PAWR: variants seen among roughly 807,000 people sequenced by gnomAD.
PAWR encodes PRKC apoptosis WT1 regulator protein.
A neutral mutation model predicts 32.0 loss-of-function variants in PAWR; 23 were observed. That is an observed-to-expected ratio of 0.72 (90% CI 0.52 to 1.02). The LOEUF is 1.02. Ranked by LOEUF, PAWR falls within the 50% of genes least tolerant of loss-of-function variation. The pLI is 0.00. For synonymous variants in PAWR, 226 were observed against 187.1 expected (o/e 1.21, Z -1.70); for missense variants, 457 against 437.7 (o/e 1.04, Z -0.39).
intron 2 of PAWR, among the ~76,000 whole-genome samples, chr12:79,622,298 GTTT>G (rs1012715960): frequency 1.3e-5 from 2 of 152,008 alleles, no homozygotes; most frequent in African/African-American, 4.8e-5. Flanking sequence ...GAGATGGAGT[GTTT>G]TTTATTATTT....
At chr12:79,629,051 G>T (rs1281557266) in intron 2 of PAWR, among the ~76,000 whole-genome samples, 2 of 151,794 alleles carry the variant, frequency 1.3e-5, no homozygotes, top group African/African-American at 4.8e-5. Flanking sequence ...AGATAAAATT[G>T]AATGATTAAA....
chr12:79,670,020 T>C lies in PAWR; in HGVS notation c.516+19709A>G, dbSNP rs544320526. ...TTGGCCTTTTTTGTTCTTAAACAGG[T>C]TACTTTTCTAAGAAAAATGTAAATA... On this transcript the variant is annotated intron_variant, in intron 2 of 6. Coordinates refer to ENST00000328827, the MANE Select transcript of PAWR (RefSeq NM_002583.4). Among the ~76,000 whole-genome samples the C allele has an allele frequency of 2.0e-5, 3 of 152,266 alleles. No homozygotes were observed. The South Asian group carries it at 6.2e-4, about 32-fold the overall frequency.
intron 2 of PAWR, among the ~76,000 whole-genome samples, chr12:79,672,375 A>G (rs534265990): frequency 1.3e-5 from 2 of 152,166 alleles, no homozygotes; most frequent in Admixed American, 1.3e-4. Context: ...TCCTGCCTCA[A>G]AACCTCTGTA....
chr12:79,675,997 C>T (rs1324544300), intron 2 of PAWR, among the ~76,000 whole-genome samples: 1 of 151,806 alleles, frequency 6.6e-6, no homozygotes, highest in East Asian at 1.9e-4. Flanking sequence ...AAAGAAGTGA[C>T]CCTGATCGCA....
Position 79,649,556 on chromosome 12 carries a change from G to A in PAWR, c.517-28349C>T, listed in dbSNP as rs180882763. Among the ~76,000 whole-genome samples, 349 of 152,220 alleles carry A rather than the reference G, an allele frequency of 2.3e-3. 1 individual carries two copies. The highest frequency in any genetic ancestry group is 1.8e-3 in the Non-Finnish European group (125 of 68,008). On this transcript the variant is annotated intron_variant, in intron 2 of 6. Transcript: ENST00000328827. Reference sequence around the variant, plus strand: ...AATCCCAGCACCTTGAGAGGCCCACGCAGAAGGATTGCTTGAAGCCAGGAG... The same window carrying A: ...AATCCCAGCACCTTGAGAGGCCCACACAGAAGGATTGCTTGAAGCCAGGAG...
At position 79,621,088 on chromosome 12, in the gene PAWR, G is replaced by A; in HGVS notation, c.636C>T (p.Ser212=). 2 of 1,597,686 alleles carry A rather than the reference G, an allele frequency of 1.3e-6. No individual in the cohort carries two copies. ...TTTAAATACTCACCTGTAGCAGATA[G>A]GAACTGCCTGGATCTAGTAAGTTTA... The part of the protein sequence containing the change: ...EAVNLLDPGS[S]YLLQEPPRTV... The change falls in exon 3 of 7, where the codon TCC becomes TCT. Residue 212 remains serine (S), a synonymous_variant. Transcript: ENST00000328827.
chr12:79,659,923 A>C (rs974378535), intron 2 of PAWR, among the ~76,000 whole-genome samples: 3 of 152,210 alleles, frequency 2.0e-5, no homozygotes, highest in African/African-American at 7.2e-5. Context: ...TGGGGAAAGA[A>C]GTAAAGACAT....
At chr12:79,669,407 C>A (rs1877773782) in intron 2 of PAWR, among the ~76,000 whole-genome samples, 1 of 152,126 alleles carries the variant, frequency 6.6e-6, no homozygotes, top group Admixed American at 6.6e-5. Context: ...ATCTTTTCAA[C>A]TTGCCATATT....
In PAWR at chr12:79,608,075, T is replaced by C. The variant is rs984736190; in HGVS notation, c.683+5500A>G. 3.3e-5 allele frequency among the ~76,000 whole-genome samples: 5 copies of C among 151,840 alleles called. No individual in the cohort carries two copies. In the East Asian group the frequency reaches 9.6e-4, roughly 29 times the overall value. ...AAAAAAAAAAAAAAAATCATAAAGT[T>C]CCATCTAGGAAAAAAAGTTAACATT... On this transcript the variant is annotated intron_variant, in intron 4 of 6. Coordinates refer to ENST00000328827, the MANE Select transcript of PAWR (RefSeq NM_002583.4).
At position 79,599,992 on chromosome 12, in the gene PAWR, T is replaced by A. The variant is rs149083980; in HGVS notation, c.684-3334A>T. Among the ~76,000 whole-genome samples the A allele has an allele frequency of 4.1e-3, 624 of 152,332 alleles. 12 individuals are homozygous for A. Among genetic ancestry groups the A allele is most frequent in the African/African-American group, 0.014 (592 of 41,578 alleles). Reference sequence around the variant, plus strand: ...GAACATATTTGATGAATTCATTTTGTACATGTCATGCCTGCAACTACCAAT... The same window carrying A: ...GAACATATTTGATGAATTCATTTTGAACATGTCATGCCTGCAACTACCAAT... On this transcript the variant is annotated intron_variant, in intron 4 of 6. Coordinates refer to ENST00000328827, the MANE Select transcript of PAWR (RefSeq NM_002583.4).
chr12:79,670,461 T>TG (rs1220022349), intron 2 of PAWR, among the ~76,000 whole-genome samples: 4 of 143,908 alleles, frequency 2.8e-5, no homozygotes, highest in Admixed American at 1.3e-4. Flanking sequence ...CATTTTTTCT[T>TG]GGGGAAAAAA....
chr12:79,663,888 C>G (rs756554026), intron 2 of PAWR, among the ~76,000 whole-genome samples: 3 of 152,088 alleles, frequency 2.0e-5, no homozygotes, highest in Admixed American at 1.3e-4. Flanking sequence ...TCCCAGTTAA[C>G]TGAAGAGTAA....
intron 4 of PAWR, among the ~76,000 whole-genome samples, chr12:79,608,575 C>T (rs1334325849): frequency 6.6e-6 from 1 of 152,076 alleles, no homozygotes; most frequent in African/African-American, 2.4e-5. Context: ...GGTGGGGACC[C>T]CTGGCTTAAA....
intron 4 of PAWR, chr12:79,604,280 G>A: frequency 4.0e-6 from 4 of 991,254 alleles, no homozygotes; most frequent in Non-Finnish European, 3.6e-6. Context: ...GAACTATAAT[G>A]CTCAGAAAAG....
intron 4 of PAWR, among the ~76,000 whole-genome samples, chr12:79,611,298 T>A (rs2136696209): frequency 6.8e-6 from 1 of 147,108 alleles, no homozygotes; most frequent in East Asian, 2.0e-4. Context: ...TATATATAAT[T>A]TCTTGGAAGT....
chr12:79,637,541 T>TAAAAAAAAAAAAAAAAAAAAAAAAAA (rs112508716), intron 2 of PAWR, among the ~76,000 whole-genome samples: 1 of 132,856 alleles, frequency 7.5e-6, no homozygotes, highest in Non-Finnish European at 1.6e-5. Flanking sequence ...CATTGAACAT[T>TAAAAAAAAAAAAAAAAAAAAAAAAAA]AAAAAAAAAA....
intron 6 of PAWR, among the ~76,000 whole-genome samples, chr12:79,593,705 T>C (rs1346032464): frequency 2.0e-5 from 3 of 147,948 alleles, no homozygotes; most frequent in East Asian, 2.0e-4. Context: ...TTTAGGGTTT[T>C]TTTTTTTTTT....
chr12:79,673,336 T>C (rs1878005393), intron 2 of PAWR, among the ~76,000 whole-genome samples: 1 of 152,216 alleles, frequency 6.6e-6, no homozygotes, highest in South Asian at 2.1e-4. Flanking sequence ...CCCAAAGTGC[T>C]GGGATTACAG....
Position 79,587,748 on chromosome 12 carries a change from C to T in PAWR, c.*4859G>A, listed in dbSNP as rs1308396685. On this transcript the variant is annotated 3_prime_UTR_variant, in exon 7 of 7. Coordinates refer to ENST00000328827, the MANE Select transcript of PAWR (RefSeq NM_002583.4). ...TAGCTTCAAAAGTAAAACTCATAGTCAGGATTTTACTGATAGTACAGGAAG... is the reference window on the plus strand; with the variant it reads ...TAGCTTCAAAAGTAAAACTCATAGTTAGGATTTTACTGATAGTACAGGAAG... 6.6e-6 allele frequency: 1 copy of T among 151,578 alleles called. No homozygotes were observed. The highest frequency in any genetic ancestry group is 2.4e-5 in the African/African-American group (1 of 41,282). 9.4% of individuals were successfully genotyped at this position (151,578 alleles called of 1,614,324 possible). A position where few individuals can be genotyped will look rare whatever the true frequency, so the allele number is the denominator to read the frequency against.
Sources: gnomAD v4.1 joint callset for allele counts (sites outside exome capture counted in the v4.1 genomes callset) on GRCh38, gnomAD v4.1.1 for gene constraint, MANE v1.5 for transcripts, NCBI Gene and HGNC (gene_info 2026-07-23, HGNC 2026-07-21) for gene names.